Variants in VGF observed in about 807,000 individuals in gnomAD.
VGF encodes VGF nerve growth factor inducible, also known as neurosecretory protein VGF.
A neutral mutation model predicts 41.1 loss-of-function variants in VGF; 13 were observed. The observed-to-expected ratio is 0.32, with a 90% CI of 0.21 to 0.50. The LOEUF is 0.50. Ranked by LOEUF, VGF falls within the 20% of genes least tolerant of loss-of-function variation. VGF has a pLI of 0.98. For missense variants in VGF, 920 were observed against 882.1 expected, an observed-to-expected ratio of 1.04 and a Z score of -0.54; for synonymous variants, 473 against 418.3, an observed-to-expected ratio of 1.13 and a Z score of -1.60.
At chr7:101,169,213 G>A (rs1468109565), upstream of VGF, among the ~76,000 whole-genome samples, 1 of 151,900 alleles carries the variant, frequency 6.6e-6, no homozygotes, top group Non-Finnish European at 1.5e-5. Context: ...GGAGGGCAAC[G>A]CCGCAGAGAT....
upstream of VGF, chr7:101,165,639 A>AT: frequency 1.0e-6 from 1 of 985,124 alleles, no homozygotes; most frequent in Non-Finnish European, 1.2e-6. Context: ...GCCCCGCCCC[A>AT]TTGACGTCAA....
In VGF at chr7:101,163,038, C is replaced by T; in HGVS notation, c.1806G>A (p.Glu602=). ...GCACGTGCTCGATGTAATTCTCCAGCTCCTCCTGCTCCTGCAGCCGGCGCT... is the reference window on the plus strand; with the variant it reads ...GCACGTGCTCGATGTAATTCTCCAGTTCCTCCTGCTCCTGCAGCCGGCGCT... The part of the protein sequence containing the change: ...AEERRLQEQE[E]LENYIEHVLL... Residue 602 remains glutamate, a synonymous_variant, in exon 2 of 2, where the codon GAG becomes GAA. Coordinates refer to ENST00000249330, the MANE Select transcript of VGF (RefSeq NM_003378.4). This position sits in a 1 kb window ranked among gnomAD's most constrained non-coding sequence, Gnocchi z 5.0. 1 of 1,567,318 alleles carries T rather than the reference C, an allele frequency of 6.4e-7. No homozygotes were observed. Among genetic ancestry groups the T allele is most frequent in the Non-Finnish European group, 8.6e-7 (1 of 1,161,860 alleles).
Position 101,164,605 on chromosome 7 carries a change from CG to C in VGF, c.238del (p.Arg80GlyfsTer36). ...EGELFQGVDP[R>X]ALAAVLLQAL... ...CTGCAGCAGCACCGCGGCCAGCGCC[CG>C]GGGATCCACGCCCTGGAAAAGCTCT... On this transcript the variant is annotated frameshift_variant, in exon 2 of 2. Coordinates refer to ENST00000249330, the MANE Select transcript of VGF (RefSeq NM_003378.4). LOFTEE classifies it high-confidence loss of function. 1 of 1,598,778 alleles carries C rather than the reference CG, an allele frequency of 6.3e-7. No homozygotes were observed.
At chr7:101,169,833 C>G (rs2116717364), upstream of VGF, among the ~76,000 whole-genome samples, 1 of 152,392 alleles carries the variant, frequency 6.6e-6, no homozygotes, top group African/African-American at 2.4e-5. Flanking sequence ...CCATCCCACC[C>G]AGACACCCCC....
intron 1 of VGF, 154 bp downstream of exon 1, chr7:101,165,220 A>G: frequency 1.0e-6 from 1 of 1,002,016 alleles, no homozygotes; most frequent in Non-Finnish European, 1.2e-6. Context: ...CTTCAGCAGC[A>G]AGAGAAAAAG....
rs1797169703 is a variant in VGF, at chr7:101,164,041, G to A, written c.803C>T (p.Ala268Val). 2 of 1,496,848 alleles carry A rather than the reference G, an allele frequency of 1.3e-6. No individual in the cohort carries two copies. The highest frequency in any genetic ancestry group is 2.3e-5 in the Admixed American group (1 of 43,032). 92.7% of individuals were successfully genotyped at this position (1,496,848 alleles called of 1,614,324 possible). The change falls in exon 2 of 2, where the codon GCG becomes GTG. Residue 268 changes from alanine to valine, a missense_variant. Around this residue, in one of 3 missense-constraint regions of VGF, gnomAD observed 654 missense variants for 638.4 expected, o/e 1.02. Coordinates refer to ENST00000249330, the MANE Select transcript of VGF (RefSeq NM_003378.4). ...GAACGGGGCGGCCACGCCTTGGTAC[G>A]CCTTGGACAGGGGTGCCAATGCCTC... The part of the protein sequence containing the change: ...LGEALAPLSK[A>V]YQGVAAPFPK...
chr7:101,165,712 T>C (rs1405683412), upstream of VGF: 7 of 955,318 alleles, frequency 7.3e-6, no homozygotes, highest in Non-Finnish European at 8.7e-6. Context: ...GATTGGAGGG[T>C]GCCTGCCTCT....
chr7:101,165,191 C>G, intron 1 of VGF, 183 bp downstream of exon 1: 7 of 1,029,100 alleles, frequency 6.8e-6, no homozygotes, highest in Non-Finnish European at 8.1e-6. Flanking sequence ...GTAGGACTCC[C>G]CGGATGGTGC....
Position 101,163,509 on chromosome 7 carries a change from C to T in VGF, c.1335G>A (p.Glu445=), listed in dbSNP as rs868129544. The change falls in exon 2 of 2, where the codon GAG becomes GAA. Residue 445 remains glutamate (E), a synonymous_variant. Coordinates refer to ENST00000249330, the MANE Select transcript of VGF (RefSeq NM_003378.4). The surrounding 1 kb of genome is among the most constrained non-coding windows in gnomAD (Gnocchi z 5.0). ...TEEGGEEEDD[E]EMDPQTIDSL... ...TGTCGATCGTCTGCGGATCCATCTC[C>T]TCGTCGTCCTCCTCCTCCCCGCCCT... 2 of 1,611,770 alleles carry T rather than the reference C, an allele frequency of 1.2e-6. No individual in the cohort carries two copies. Among genetic ancestry groups the T allele is most frequent in the East Asian group, 2.2e-5 (1 of 44,842 alleles).
rs1202742908 is a variant in VGF, at chr7:101,164,294, C to T, written c.550G>A (p.Glu184Lys). ...AGCGTGTGCGTGCGGGTTTCCGTCT[C>T]TGCTGCCGCCGTCTCCTGCTGGCGC... Reference protein sequence around the residue: ...AKRQQETAAAETETRTHTLTR... With the variant: ...AKRQQETAAAKTETRTHTLTR... The change falls in exon 2 of 2, where the codon GAG becomes AAG. Residue 184 changes from glutamate (E) to lysine (K), a missense_variant. This residue lies in a region of VGF where 654 missense variants were observed against 638.4 expected (regional missense o/e 1.02). Transcript: ENST00000249330. 1 of 1,608,544 alleles carries T rather than the reference C, an allele frequency of 6.2e-7. No homozygotes were observed. Among genetic ancestry groups the T allele is most frequent in the Non-Finnish European group, 8.5e-7 (1 of 1,179,822 alleles).
rs947108379 is a variant in VGF, at chr7:101,165,390, G to C, written c.-37C>G. On this transcript the variant is annotated 5_prime_UTR_variant, in exon 1 of 2. Transcript: ENST00000249330. ...AGTATTTACCAGCTGGTGTCACGAC[G>C]CGAGAGGTGGAGAGGAGGGTCGGGG... 2.0e-6 allele frequency: 2 copies of C among 985,430 alleles called. No individual in the cohort carries two copies. The highest frequency in any genetic ancestry group is 3.5e-5 in the African/African-American group (2 of 57,250). The allele number at this position is 985,430 out of a possible 1,614,324, so 61.0% of individuals were successfully genotyped here.
Position 101,163,043 on chromosome 7 carries a change from C to T in VGF, c.1801G>A (p.Glu601Lys). 1.3e-6 allele frequency: 2 copies of T among 1,570,692 alleles called. No individual in the cohort carries two copies. The highest frequency in any genetic ancestry group is 1.7e-6 in the Non-Finnish European group (2 of 1,163,184). Residue 601 changes from glutamate (E) to lysine (K), a missense_variant, in exon 2 of 2, where the codon GAG (glutamate) becomes AAG (lysine). Glu to Lys is a moderately conservative substitution (Grantham distance 56, BLOSUM62 1). Coordinates refer to ENST00000249330, the MANE Select transcript of VGF (RefSeq NM_003378.4). The surrounding 1 kb of genome is among the most constrained non-coding windows in gnomAD (Gnocchi z 5.0). ...EAEERRLQEQ[E>K]ELENYIEHVL... ...TGCTCGATGTAATTCTCCAGCTCCT[C>T]CTGCTCCTGCAGCCGGCGCTCCTCC...
intron 1 of VGF, chr7:101,165,097 C>T (rs1562870052): frequency 3.3e-6 from 4 of 1,226,716 alleles, no homozygotes; most frequent in Non-Finnish European, 4.1e-6. Context: ...CCTCCTCGGC[C>T]CCTTCCCTGA....
chr7:101,165,124 C>A, intron 1 of VGF: 3 of 1,176,762 alleles, frequency 2.5e-6, no homozygotes, highest in Non-Finnish European at 3.2e-6. Flanking sequence ...TCACTGCCAT[C>A]GCCCACGTAC....
upstream of VGF, among the ~76,000 whole-genome samples, chr7:101,167,476 C>T (rs562793009): frequency 6.6e-6 from 1 of 152,314 alleles, no homozygotes; most frequent in South Asian, 2.1e-4. This position sits in a 1 kb window ranked among gnomAD's most constrained non-coding sequence, Gnocchi z 4.2. Flanking sequence ...CTCTCCCCGC[C>T]CCCATGTCCC....
rs1338535378 is a variant in VGF at position 101,164,556 on chromosome 7, G to A, written c.288C>T (p.Pro96=). 1.3e-6 allele frequency: 2 copies of A among 1,599,418 alleles called. No individual in the cohort carries two copies. The highest frequency in any genetic ancestry group is 3.4e-5 in the Admixed American group (2 of 59,308). Residue 96 remains proline, a synonymous_variant, in exon 2 of 2, where the codon CCC becomes CCT. Transcript: ENST00000249330. ...LLQALDRPAS[P]PAPSGSQQGP... Reference sequence around the variant, plus strand: ...CCTGCTGGGAGCCGCTTGGTGCCGGGGGTGAGGCGGGACGGTCGAGTGCCT... The same window carrying A: ...CCTGCTGGGAGCCGCTTGGTGCCGGAGGTGAGGCGGGACGGTCGAGTGCCT...
chr7:101,167,618 A>G (rs960000235), upstream of VGF, among the ~76,000 whole-genome samples: 5 of 151,868 alleles, frequency 3.3e-5, no homozygotes, highest in Admixed American at 1.3e-4. The surrounding 1 kb of genome is among the most constrained non-coding windows in gnomAD (Gnocchi z 4.2). Context: ...TCCAAGAGAG[A>G]AGGGAGAGGG....
chr7:101,169,201 G>A (rs1051660410), upstream of VGF, among the ~76,000 whole-genome samples: 2 of 151,950 alleles, frequency 1.3e-5, no homozygotes, highest in African/African-American at 4.8e-5. Flanking sequence ...CCAGCAAGCG[G>A]GGGAGGGCAA....
chr7:101,167,250 T>A (rs1219427559), upstream of VGF, among the ~76,000 whole-genome samples: 1 of 131,540 alleles, frequency 7.6e-6, no homozygotes, highest in Admixed American at 7.5e-5. The surrounding 1 kb of genome is among the most constrained non-coding windows in gnomAD (Gnocchi z 4.2). Context: ...TGGGGAGGAG[T>A]GGAGAGGGAG....
Sources: allele counts gnomAD v4.1 joint callset (sites outside exome capture counted in the v4.1 genomes callset), GRCh38; gene constraint gnomAD v4.1.1; regional missense constraint gnomAD v4.1.1; non-coding constraint Gnocchi (gnomAD v3.1); transcripts MANE v1.5; gene names NCBI Gene and HGNC (gene_info 2026-07-23, HGNC 2026-07-21).